The following FGF12 variants were observed in gnomAD, a reference collection of about 807,000 sequenced individuals.
The protein encoded by FGF12 is fibroblast growth factor 12, also known as fibroblast growth factor 12B.
A neutral mutation model predicts 23.6 loss-of-function variants in FGF12; 14 were observed. The observed-to-expected ratio is 0.59, with a 90% CI of 0.39 to 0.93. The LOEUF (loss-of-function observed/expected upper bound fraction) is 0.93, where lower values mean the gene tolerates loss of function less well. Among genes scored for constraint, FGF12 ranks in the 40% least tolerant of loss-of-function variants. The pLI is 0.00. For missense variants in FGF12, 175 were observed against 217.8 expected (o/e 0.80, Z 1.24); for synonymous variants, 62 against 77.3 (o/e 0.80, Z 1.04).
Position 192,160,233 on chromosome 3 carries a change from C to A in FGF12, c.427+10225G>T, listed in dbSNP as rs561631704. Among the ~76,000 whole-genome samples the A allele has an allele frequency of 4.6e-5, 7 of 152,198 alleles. 1 individual carries two copies. The highest frequency in any genetic ancestry group is 1.7e-4 in the African/African-American group (7 of 41,536). On this transcript the variant is annotated intron_variant, in intron 5 of 5. Coordinates refer to ENST00000445105, the MANE Select transcript of FGF12 (RefSeq NM_004113.6). Reference sequence around the variant, plus strand: ...ATTCTGCTCAAAATCTATAATGAATCCCCATCACATTAACCATAAAATCTA... The same window carrying A: ...ATTCTGCTCAAAATCTATAATGAATACCCATCACATTAACCATAAAATCTA...
intron 2 of FGF12, among the ~76,000 whole-genome samples, chr3:192,605,815 T>A (rs1049807344): frequency 6.6e-6 from 1 of 152,056 alleles, no homozygotes; most frequent in Admixed American, 6.5e-5. Context: ...AAGACCACAA[T>A]GACATACCAT....
At chr3:192,250,831 C>T (rs908074282) in intron 4 of FGF12, among the ~76,000 whole-genome samples, 1 of 151,928 alleles carries the variant, frequency 6.6e-6, no homozygotes, top group African/African-American at 2.4e-5. Context: ...GGATCCAACT[C>T]GGATGTTCAT....
At chr3:192,574,629 G>T (rs1024745619) in intron 2 of FGF12, among the ~76,000 whole-genome samples, 1 of 152,102 alleles carries the variant, frequency 6.6e-6, no homozygotes, top group Non-Finnish European at 1.5e-5. Flanking sequence ...TTGCTTAGGG[G>T]GGATGAGGGC....
intron 2 of FGF12, among the ~76,000 whole-genome samples, chr3:192,437,393 T>C (rs1722056843): frequency 6.6e-6 from 1 of 152,094 alleles, no homozygotes; most frequent in Non-Finnish European, 1.5e-5. Context: ...CAGTGGAATG[T>C]GTAAGAGTGA....
At position 192,646,644 on chromosome 3, in the gene FGF12, T is replaced by C. The variant is rs576065371; in HGVS notation, c.13+80537A>G. Among the ~76,000 whole-genome samples the C allele has an allele frequency of 3.9e-5, 6 of 152,234 alleles. No homozygotes were observed. In the East Asian group the frequency reaches 9.7e-4, roughly 24 times the overall value. On this transcript the variant is annotated intron_variant, in intron 2 of 5. Transcript: ENST00000445105. ...CACATATTGTATGATTCCAATAATATGAAATGTTCATAGTAGGCAAATCGT... is the reference window on the plus strand; with the variant it reads ...CACATATTGTATGATTCCAATAATACGAAATGTTCATAGTAGGCAAATCGT...
intron 4 of FGF12, among the ~76,000 whole-genome samples, chr3:192,328,170 A>G (rs1232179817): frequency 2.0e-5 from 3 of 152,344 alleles, no homozygotes; most frequent in African/African-American, 7.2e-5. Flanking sequence ...CTTCACTTGG[A>G]CATTGGACAC....
chr3:192,379,162 G>A (rs149155113), intron 2 of FGF12, among the ~76,000 whole-genome samples: 10 of 152,208 alleles, frequency 6.6e-5, no homozygotes, highest in African/African-American at 2.4e-4. Flanking sequence ...CCATCGATGG[G>A]TATTTAGGTC....
At chr3:192,154,856 C>T (rs1469749841) in intron 5 of FGF12, among the ~76,000 whole-genome samples, 8 of 143,686 alleles carry the variant, frequency 5.6e-5, no homozygotes, top group South Asian at 2.4e-4. Flanking sequence ...TTCGAGCTTC[C>T]CGGCTGCTTT....
chr3:192,213,159 T>C (rs1166610881), intron 4 of FGF12, among the ~76,000 whole-genome samples: 1 of 152,276 alleles, frequency 6.6e-6, no homozygotes, highest in Non-Finnish European at 1.5e-5. Flanking sequence ...TCACTCTTCC[T>C]TCCCCCTTGT....
rs186575856 is a variant in FGF12 at position 192,704,135 on chromosome 3, G to A, written c.13+23046C>T. ...AAATGATGACTCCTTTCCAGAAGATGTTCAATTTACTTTGCCCAGATCCAT... is the reference window on the plus strand; with the variant it reads ...AAATGATGACTCCTTTCCAGAAGATATTCAATTTACTTTGCCCAGATCCAT... On this transcript the variant is annotated intron_variant, in intron 2 of 5. Transcript: ENST00000445105. Among the ~76,000 whole-genome samples the A allele has an allele frequency of 3.1e-3, 474 of 152,276 alleles. 3 individuals are homozygous for A. Among genetic ancestry groups the A allele is most frequent in the African/African-American group, 0.011 (452 of 41,552 alleles).
chr3:192,378,087 T>TTTCTTTCTTTCTTTCTTTCC (rs1719641096), intron 2 of FGF12, among the ~76,000 whole-genome samples: 2 of 123,498 alleles, frequency 1.6e-5, no homozygotes, highest in Non-Finnish European at 3.3e-5. Context: ...TCTTTCTTTC[T>TTTCTTTCTTTCTTTCTTTCC]TTCTTTCTTC....
chr3:192,203,415 A>C (rs1717479230), intron 4 of FGF12, among the ~76,000 whole-genome samples: 1 of 152,152 alleles, frequency 6.6e-6, no homozygotes, highest in Admixed American at 6.6e-5. Context: ...GAAAAGTATA[A>C]ACAAAGTTAA....
chr3:192,382,335 C>T (rs1247207634), intron 2 of FGF12, among the ~76,000 whole-genome samples: 1 of 152,012 alleles, frequency 6.6e-6, no homozygotes, highest in Non-Finnish European at 1.5e-5. Flanking sequence ...CAATCAAATG[C>T]TATGCTATAG....
chr3:192,456,347 G>A (rs911397192), intron 2 of FGF12, among the ~76,000 whole-genome samples: 1 of 152,188 alleles, frequency 6.6e-6, no homozygotes, highest in Admixed American at 6.5e-5. Flanking sequence ...GGTCATCTGA[G>A]ACTTAGAGAT....
intron 2 of FGF12, among the ~76,000 whole-genome samples, chr3:192,570,096 A>C (rs921696314): frequency 5.3e-5 from 8 of 152,210 alleles, no homozygotes; most frequent in Non-Finnish European, 1.2e-4. Flanking sequence ...AGGATGAAGA[A>C]AAAAGAAAAG....
chr3:192,589,333 CAA>C (rs34596382), intron 2 of FGF12, among the ~76,000 whole-genome samples: 3 of 123,678 alleles, frequency 2.4e-5, no homozygotes, highest in Admixed American at 8.5e-5. Context: ...GACTCCATCT[CAA>C]AAAAAAAAAA....
intron 4 of FGF12, among the ~76,000 whole-genome samples, chr3:192,187,727 A>C (rs1716549950): frequency 6.6e-6 from 1 of 152,192 alleles, no homozygotes; most frequent in Admixed American, 6.5e-5. Flanking sequence ...ACTTGGAAGC[A>C]AATGAAGAGA....
chr3:192,643,209 G>C (rs973686004), intron 2 of FGF12, among the ~76,000 whole-genome samples: 3 of 152,154 alleles, frequency 2.0e-5, no homozygotes, highest in Non-Finnish European at 4.4e-5. Flanking sequence ...TGGATAGATA[G>C]ATAAATTTAG....
In FGF12 at chr3:192,673,105, A is replaced by T. The variant is rs1266590369; in HGVS notation, c.13+54076T>A. 13 of 150,898 alleles carry T rather than the reference A, an allele frequency of 8.6e-5. 1 individual carries two copies. Among genetic ancestry groups the T allele is most frequent in the African/African-American group, 3.1e-4 (13 of 41,312 alleles). 9.3% of individuals were successfully genotyped at this position (150,898 alleles called of 1,614,324 possible). A position where few individuals can be genotyped will look rare whatever the true frequency, so the allele number is the denominator to read the frequency against. ...ACCAGTCCTTAATAGGAAATTGAGGATTAAAAGGGCAGTTTTTGTCCAGGA... is the reference window on the plus strand; with the variant it reads ...ACCAGTCCTTAATAGGAAATTGAGGTTTAAAAGGGCAGTTTTTGTCCAGGA... On this transcript the variant is annotated intron_variant, in intron 2 of 5. Transcript: ENST00000445105.
Sources: gnomAD v4.1 joint callset for allele counts (sites outside exome capture counted in the v4.1 genomes callset) on GRCh38, gnomAD v4.1.1 for gene constraint, MANE v1.5 for transcripts, NCBI Gene and HGNC (gene_info 2026-07-23, HGNC 2026-07-21) for gene names.